The following NARS2 variants were observed in gnomAD, a reference collection of about 807,000 sequenced individuals.
NARS2 encodes the protein asparaginyl-tRNA synthetase 2, mitochondrial, also known as asparaginyl-tRNA synthetase.
Under a neutral mutation model 62.9 loss-of-function variants are expected in NARS2, and 60 were observed. The ratio of observed to expected loss-of-function variants is 0.95; its 90% CI spans 0.77 to 1.18. NARS2 has a LOEUF of 1.18. Among genes scored for constraint, NARS2 ranks in the 50% most tolerant of loss-of-function variants. The probability of loss-of-function intolerance (pLI) is 0.00; values close to 1 mark genes in which losing one functional copy is unlikely to be tolerated. For missense variants in NARS2, 619 were observed against 576.4 expected (o/e 1.07, Z -0.76); for synonymous variants, 196 against 200.0 (o/e 0.98, Z 0.17).
At chr11:78,571,626 C>A (rs531658985) in intron 1 of NARS2, 182 bp from the exon 2 acceptor site, 82 of 499,786 alleles carry the variant, frequency 1.6e-4, no homozygotes, top group South Asian at 2.9e-4. Context: ...AGGATACACA[C>A]TTTGGTATTC....
chr11:78,483,626 A>G (rs12292709), intron 7 of NARS2, among the ~76,000 whole-genome samples: 2,190 of 152,210 alleles, frequency 0.014, 53 homozygotes, highest in African/African-American at 0.05. Context: ...TCATGAGTCA[A>G]CTCCCATTCA....
In NARS2 at chr11:78,436,831, G is replaced by C. The variant is rs754654199; in HGVS notation, c.1290-17C>G. On this transcript the variant is annotated splice_polypyrimidine_tract_variant and intron_variant, in intron 13 of 13. Transcript: ENST00000281038. ...TCCAGATACCTGTTTTTCAAAAATA[G>C]AAAATCATCATCTATATATAGTATA... 16 of 1,611,544 alleles carry C rather than the reference G, an allele frequency of 9.9e-6. No individual in the cohort carries two copies. Among genetic ancestry groups the C allele is most frequent in the African/African-American group, 1.3e-5 (1 of 74,796 alleles).
rs143231520 is a variant in NARS2, at chr11:78,436,867, T to C, written c.1290-53A>G. On this transcript the variant is annotated intron_variant, in intron 13 of 13. Transcript: ENST00000281038. Reference sequence around the variant, plus strand: ...TCTATATATAGTATAAGACCAGATGTTATGATTAGAATTTAATGTTTCAAA... The same window carrying C: ...TCTATATATAGTATAAGACCAGATGCTATGATTAGAATTTAATGTTTCAAA... 16,926 of 1,529,450 alleles carry C rather than the reference T, an allele frequency of 0.011. 121 individuals carry two copies. Among genetic ancestry groups the C allele is most frequent in the Middle Eastern group, 0.019 (112 of 5,804 alleles). 94.7% of individuals were successfully genotyped at this position (1,529,450 alleles called of 1,614,324 possible). A position where few individuals can be genotyped will look rare whatever the true frequency, so the allele number is the denominator to read the frequency against.
intron 6 of NARS2, among the ~76,000 whole-genome samples, chr11:78,524,154 G>A (rs114518532): frequency 0.015 from 2,324 of 152,026 alleles, 61 homozygotes; most frequent in African/African-American, 0.053. Flanking sequence ...AGGCCCATTA[G>A]CCCCAGATGA....
chr11:78,574,787 T>G lies in NARS2; in HGVS notation c.-299A>C. ...CCACTACCCGCGACAATTGTAAACC[T>G]ACGAACAGAACCCGGGCCGCAACAC... On this transcript the variant is annotated 5_prime_UTR_variant, in exon 1 of 14. Transcript: ENST00000281038. 1 of 364,450 alleles carries G rather than the reference T, an allele frequency of 2.7e-6. No individual in the cohort carries two copies. Among genetic ancestry groups the G allele is most frequent in the Non-Finnish European group, 5.0e-6 (1 of 199,810 alleles). The allele number at this position is 364,450 out of a possible 1,614,324, so 22.6% of individuals were successfully genotyped here. A position where few individuals can be genotyped will look rare whatever the true frequency, so the allele number is the denominator to read the frequency against.
Position 78,529,729 on chromosome 11 carries a change from T to C in NARS2, c.595-793A>G, listed in dbSNP as rs1035670015. Reference sequence around the variant, plus strand: ...GATTTAAACACAGGGTCTCATTATGTTGCCCAGGCTGGTCTTGATCTTCTG... The same window carrying C: ...GATTTAAACACAGGGTCTCATTATGCTGCCCAGGCTGGTCTTGATCTTCTG... On this transcript the variant is annotated intron_variant, in intron 5 of 13. Transcript: ENST00000281038. Among the ~76,000 whole-genome samples the C allele has an allele frequency of 2.6e-5, 4 of 152,320 alleles. No individual in the cohort carries two copies. In the South Asian group the frequency reaches 8.3e-4, roughly 32 times the overall value.
intron 12 of NARS2, among the ~76,000 whole-genome samples, 179 bp from the exon 13 acceptor site, chr11:78,441,296 T>C (rs867315219): frequency 8.5e-5 from 13 of 152,294 alleles, no homozygotes; most frequent in Middle Eastern, 3.4e-3. Flanking sequence ...ACTTAACCAA[T>C]AGCACAAGGT....
At chr11:78,574,141 A>G (rs1221585887) in intron 1 of NARS2, among the ~76,000 whole-genome samples, 1 of 152,218 alleles carries the variant, frequency 6.6e-6, no homozygotes, top group Non-Finnish European at 1.5e-5. Context: ...GGAATCATGA[A>G]AGCAAAGTTC....
At chr11:78,474,171 T>A (rs1000841460) in intron 9 of NARS2, among the ~76,000 whole-genome samples, 1 of 152,234 alleles carries the variant, frequency 6.6e-6, no homozygotes, top group African/African-American at 2.4e-5. Flanking sequence ...TTACCTAGTC[T>A]GACATATTGC....
rs752162760 is a variant in NARS2 at position 78,571,406 on chromosome 11, C to G, written c.180G>C (p.Leu60Phe). 1.2e-6 allele frequency: 2 copies of G among 1,613,478 alleles called. No individual in the cohort carries two copies. The highest frequency in any genetic ancestry group is 1.7e-6 in the Non-Finnish European group (2 of 1,179,874). Residue 60 changes from leucine (L) to phenylalanine (F), a missense_variant, in exon 2 of 14, where the codon TTG becomes TTC. Leu to Phe is a conservative substitution (Grantham distance 22). Coordinates refer to ENST00000281038, the MANE Select transcript of NARS2 (RefSeq NM_024678.6). The part of the protein sequence containing the change: ...IRSVRSQKEV[L>F]FLHVNDGSSL... The stretch of plus-strand genomic sequence containing the variant: ...ATGACCCATCATTTACATGCAGGAA[C>G]AAGACTTCCTTCTGGGATCGGACAG...
chr11:78,531,313 A>G lies in NARS2; in HGVS notation c.595-2377T>C, dbSNP rs1009730435. ...GCACAGGGACCATTCTCCAGAGTAGACCATATAATAGGCCATAAAACAGTC... is the reference window on the plus strand; with the variant it reads ...GCACAGGGACCATTCTCCAGAGTAGGCCATATAATAGGCCATAAAACAGTC... On this transcript the variant is annotated intron_variant, in intron 5 of 13. Coordinates refer to ENST00000281038, the MANE Select transcript of NARS2 (RefSeq NM_024678.6). Among the ~76,000 whole-genome samples the G allele has an allele frequency of 2.0e-4, 31 of 152,282 alleles. 1 individual carries two copies. Among genetic ancestry groups the G allele is most frequent in the Non-Finnish European group, 2.2e-4 (15 of 68,004 alleles).
At chr11:78,461,734 C>T (rs1858406324) in intron 11 of NARS2, among the ~76,000 whole-genome samples, 1 of 149,444 alleles carries the variant, frequency 6.7e-6, no homozygotes, top group Non-Finnish European at 1.5e-5. Context: ...ACTGCCTGAG[C>T]TCAGTTTGAG....
At chr11:78,567,744 T>G (rs1344792534) in intron 3 of NARS2, among the ~76,000 whole-genome samples, 1 of 152,206 alleles carries the variant, frequency 6.6e-6, no homozygotes, top group African/African-American at 2.4e-5. Flanking sequence ...TTCTTCCTAT[T>G]ATACTGAAAG....
chr11:78,450,697 C>G (rs899839295), intron 11 of NARS2, among the ~76,000 whole-genome samples: 1 of 122,336 alleles, frequency 8.2e-6, no homozygotes, highest in African/African-American at 3.2e-5. Flanking sequence ...TTTCCTGAGA[C>G]TGAGTCTCAC....
Position 78,443,647 on chromosome 11 carries a change from G to A in NARS2, c.1262+14C>T. 4 of 1,585,386 alleles carry A rather than the reference G, an allele frequency of 2.5e-6. No homozygotes were observed. The East Asian group carries it at 6.7e-5, about 27-fold the overall frequency. ...CAATTTCTCAATTGTGTTTCTTTTA[G>A]GTCTGACCAGTACCTGGCTAAGCGC... On this transcript the variant is annotated intron_variant, in intron 12 of 13. Transcript: ENST00000281038.
At chr11:78,533,675 T>A (rs1348461258) in intron 5 of NARS2, among the ~76,000 whole-genome samples, 1 of 152,188 alleles carries the variant, frequency 6.6e-6, no homozygotes, top group Non-Finnish European at 1.5e-5. Flanking sequence ...CCCAGGAGTG[T>A]CAGAGCATAT....
chr11:78,527,773 A>G lies in NARS2; in HGVS notation c.689+1069T>C, dbSNP rs1428443295. ...AATGAGAAAATATTTAAAGAAAAAG[A>G]TACATAAAGAAAACTCAGTACTTGA... On this transcript the variant is annotated intron_variant, in intron 6 of 13. Coordinates refer to ENST00000281038, the MANE Select transcript of NARS2 (RefSeq NM_024678.6). Among the ~76,000 whole-genome samples the G allele has an allele frequency of 2.6e-5, 4 of 152,302 alleles. 1 individual carries two copies. The highest frequency in any genetic ancestry group is 2.6e-4 in the Admixed American group (4 of 15,300).
intron 7 of NARS2, among the ~76,000 whole-genome samples, chr11:78,483,639 A>G (rs1859450353): frequency 6.6e-6 from 1 of 152,172 alleles, no homozygotes; most frequent in Non-Finnish European, 1.5e-5. Context: ...CCCATTCACA[A>G]CTGCTACAAA....
intron 5 of NARS2, among the ~76,000 whole-genome samples, chr11:78,539,051 A>G (rs553312895): frequency 8.7e-5 from 13 of 148,956 alleles, no homozygotes; most frequent in Non-Finnish European, 1.9e-4. Flanking sequence ...GGTAGGCAGA[A>G]ATCAGATTAT....
Sources: allele counts gnomAD v4.1 joint callset (sites outside exome capture counted in the v4.1 genomes callset), GRCh38; gene constraint gnomAD v4.1.1; transcripts MANE v1.5; gene names NCBI Gene and HGNC (gene_info 2026-07-23, HGNC 2026-07-21).